Variants in FAM107B observed in about 807,000 individuals in gnomAD.
FAM107B encodes protein FAM107B.
FAM107B carries 21 observed loss-of-function variants against 31.5 expected under a neutral mutation model. That is an observed-to-expected ratio of 0.67 (90% CI 0.47 to 0.96). The LOEUF is 0.96. Ranked by LOEUF, FAM107B falls within the 40% of genes least tolerant of loss-of-function variation. The pLI, the probability that FAM107B is intolerant of heterozygous loss-of-function variation, is 0.00. For missense variants in FAM107B, 452 were observed against 377.1 expected, an observed-to-expected ratio of 1.20 and a Z score of -1.64; for synonymous variants, 157 against 141.5, an observed-to-expected ratio of 1.11 and a Z score of -0.78.
At chr10:14,761,332 T>C (rs895163891) in intron 1 of FAM107B, among the ~76,000 whole-genome samples, 1 of 152,190 alleles carries the variant, frequency 6.6e-6, no homozygotes, top group Non-Finnish European at 1.5e-5. Context: ...CAATATAAGA[T>C]AATAAATGCT....
intron 1 of FAM107B, among the ~76,000 whole-genome samples, chr10:14,712,056 G>A (rs1030738176): frequency 6.6e-6 from 1 of 152,220 alleles, no homozygotes; most frequent in African/African-American, 2.4e-5. Flanking sequence ...TTGCCAAAGA[G>A]CAAGAAATCT....
chr10:14,631,136 G>A (rs939546113), intron 2 of FAM107B, among the ~76,000 whole-genome samples: 4 of 152,034 alleles, frequency 2.6e-5, no homozygotes, highest in African/African-American at 9.7e-5. Context: ...TTTTCTCCCC[G>A]GGACAGTTTG....
chr10:14,716,091 T>C (rs1228449314), intron 1 of FAM107B, among the ~76,000 whole-genome samples: 1 of 152,242 alleles, frequency 6.6e-6, no homozygotes, highest in Non-Finnish European at 1.5e-5. Flanking sequence ...ATAGAAGCCC[T>C]ATTGGTTTTC....
intron 1 of FAM107B, among the ~76,000 whole-genome samples, chr10:14,680,734 A>C (rs1162739716): frequency 6.6e-6 from 1 of 152,110 alleles, no homozygotes; most frequent in African/African-American, 2.4e-5. Context: ...AGGGAGTAAA[A>C]AAAGGTGGAA....
chr10:14,656,561 C>T (rs11259247), intron 2 of FAM107B, among the ~76,000 whole-genome samples: 15,273 of 152,100 alleles, frequency 0.1, 832 homozygotes, highest in South Asian at 0.16. Context: ...TCTTTTTATA[C>T]CAATGTGGGG....
At chr10:14,604,150 G>C (rs556651252) in intron 2 of FAM107B, 14,795 of 862,720 alleles carry the variant, frequency 0.017, 178 homozygotes, top group Non-Finnish European at 0.019. Context: ...CGCCGAGAGG[G>C]TCCCCGGAGC....
chr10:14,732,491 A>AT (rs1412073620), intron 1 of FAM107B, among the ~76,000 whole-genome samples: 1 of 152,176 alleles, frequency 6.6e-6, no homozygotes, highest in Non-Finnish European at 1.5e-5. Context: ...AAATAACTAT[A>AT]TATTTCTGGA....
intron 2 of FAM107B, among the ~76,000 whole-genome samples, chr10:14,653,429 C>T (rs1853953058): frequency 6.6e-6 from 1 of 152,232 alleles, no homozygotes; most frequent in African/African-American, 2.4e-5. Flanking sequence ...ACCAGCCTTG[C>T]TGAGCAAGAA....
At chr10:14,731,673 T>G (rs1448523535) in intron 1 of FAM107B, among the ~76,000 whole-genome samples, 4 of 152,218 alleles carry the variant, frequency 2.6e-5, no homozygotes, top group Non-Finnish European at 4.4e-5. Context: ...ACCTCATATA[T>G]GACAGTGGCC....
At chr10:14,659,659 T>C (rs1418335475) in intron 2 of FAM107B, among the ~76,000 whole-genome samples, 1 of 152,202 alleles carries the variant, frequency 6.6e-6, no homozygotes, top group Non-Finnish European at 1.5e-5. Flanking sequence ...GACTGAGATA[T>C]AGTGGGTTCT....
At chr10:14,627,618 A>G (rs1385368627) in intron 2 of FAM107B, among the ~76,000 whole-genome samples, 1 of 152,144 alleles carries the variant, frequency 6.6e-6, no homozygotes, top group Non-Finnish European at 1.5e-5. Flanking sequence ...CTACAAAGAA[A>G]TTTTAAAAAT....
intron 2 of FAM107B, among the ~76,000 whole-genome samples, chr10:14,659,272 C>T (rs1161074228): frequency 6.6e-6 from 1 of 152,078 alleles, no homozygotes; most frequent in Non-Finnish European, 1.5e-5. Context: ...AAAACCCCGT[C>T]TCTACTGAAA....
intron 2 of FAM107B, among the ~76,000 whole-genome samples, chr10:14,562,621 G>A (rs150433889): frequency 6.6e-6 from 1 of 152,190 alleles, no homozygotes; most frequent in African/African-American, 2.4e-5. Context: ...CAAAATTCTG[G>A]AAGTAGCAAT....
At chr10:14,668,132 C>G (rs1854454269) in intron 1 of FAM107B, among the ~76,000 whole-genome samples, 1 of 152,108 alleles carries the variant, frequency 6.6e-6, no homozygotes. Context: ...ACCTCCAACT[C>G]CCTGGTTCAA....
chr10:14,552,933 CACTT>C (rs1849389572), intron 2 of FAM107B, among the ~76,000 whole-genome samples: 2 of 152,212 alleles, frequency 1.3e-5, no homozygotes, highest in East Asian at 3.8e-4. Flanking sequence ...TGCCCTAATT[CACTT>C]ACTTAAACTT....
At chr10:14,583,902 C>T (rs1254169500) in intron 2 of FAM107B, among the ~76,000 whole-genome samples, 3 of 152,178 alleles carry the variant, frequency 2.0e-5, no homozygotes, top group South Asian at 2.1e-4. Context: ...ACGACACTCT[C>T]CCCGAAAGGG....
At chr10:14,660,772 T>A (rs763178967) in intron 2 of FAM107B, among the ~76,000 whole-genome samples, 7 of 152,206 alleles carry the variant, frequency 4.6e-5, no homozygotes, top group Non-Finnish European at 1.0e-4. Context: ...ATTCTAGAAC[T>A]TTCTTTCTAA....
chr10:14,643,275 C>T (rs1853674010), intron 2 of FAM107B, among the ~76,000 whole-genome samples: 1 of 151,924 alleles, frequency 6.6e-6, no homozygotes, highest in Non-Finnish European at 1.5e-5. Context: ...CAAGAAGAAC[C>T]AATGTTAGTC....
rs573960095 is a variant in FAM107B at position 14,639,171 on chromosome 10, G to T, written c.469+28463C>A. 1.6e-4 allele frequency among the ~76,000 whole-genome samples: 25 copies of T among 152,236 alleles called. No individual in the cohort carries two copies. In the South Asian group the frequency reaches 5.2e-3, roughly 32 times the overall value. On this transcript the variant is annotated intron_variant, in intron 2 of 4. Coordinates refer to ENST00000181796, the MANE Select transcript of FAM107B (RefSeq NM_031453.4). ...ATGGCACCACTGCACTGCAGCCTGG[G>T]TGACAGACCAACACCCTGTTTCCAA...
Sources: gnomAD v4.1 joint callset for allele counts (sites outside exome capture counted in the v4.1 genomes callset) on GRCh38, gnomAD v4.1.1 for gene constraint, MANE v1.5 for transcripts, NCBI Gene and HGNC (gene_info 2026-07-23, HGNC 2026-07-21) for gene names.